PRPH2: variants seen among roughly 807,000 people sequenced by gnomAD.
The protein encoded by PRPH2 is peripherin-2.
PRPH2 carries 17 observed loss-of-function variants against 31.3 expected under a neutral mutation model. That is an observed-to-expected ratio of 0.54 (90% CI 0.37 to 0.81). The LOEUF (loss-of-function observed/expected upper bound fraction) is 0.81. Among genes scored for constraint, PRPH2 ranks in the 40% least tolerant of loss-of-function variants. The probability of loss-of-function intolerance (pLI) is 0.00; values close to 1 mark genes in which losing one functional copy is unlikely to be tolerated. For missense variants in PRPH2, 430 were observed against 439.7 expected (o/e 0.98, Z 0.20); for synonymous variants, 165 against 184.4 (o/e 0.89, Z 0.85).
At chr6:42,704,719 A>G (rs555856844) in intron 1 of PRPH2, 108 bp from the exon 2 acceptor site, 4 of 1,524,422 alleles carry the variant, frequency 2.6e-6, no homozygotes, top group East Asian at 2.3e-5. Flanking sequence ...TCACTCGCAC[A>G]CTTGGTATAT....
chr6:42,701,363 A>G (rs1800041818), intron 2 of PRPH2, among the ~76,000 whole-genome samples: 1 of 151,996 alleles, frequency 6.6e-6, no homozygotes, highest in Non-Finnish European at 1.5e-5. Flanking sequence ...ACCTCAGGTG[A>G]TCCCCCGCCT....
chr6:42,712,724 T>C (rs1314107706), intron 1 of PRPH2, among the ~76,000 whole-genome samples: 1 of 151,016 alleles, frequency 6.6e-6, no homozygotes, highest in African/African-American at 2.4e-5. Flanking sequence ...GCCTGTTTTT[T>C]CCTTTTTTTT....
intron 1 of PRPH2, among the ~76,000 whole-genome samples, chr6:42,719,302 G>A (rs894322840): frequency 1.3e-4 from 19 of 151,724 alleles, no homozygotes; most frequent in African/African-American, 4.4e-4. Context: ...TCAGCCTCCC[G>A]AGTAGCTGAG....
chr6:42,717,989 A>C lies in PRPH2; in HGVS notation c.581+3765T>G, dbSNP rs573553333. ...AAGACCAGCTTGGCCAACGTGGTGA[A>C]ACCCCGTCTCTACTAAAAATAGAAA... On this transcript the variant is annotated intron_variant, in intron 1 of 2. Coordinates refer to ENST00000230381, the MANE Select transcript of PRPH2 (RefSeq NM_000322.5). Among the ~76,000 whole-genome samples, 16 of 152,144 alleles carry C rather than the reference A, an allele frequency of 1.1e-4. No individual in the cohort carries two copies. The South Asian group carries it at 3.3e-3, about 32-fold the overall frequency.
At chr6:42,716,004 A>G (rs1387093112) in intron 1 of PRPH2, among the ~76,000 whole-genome samples, 8 of 152,182 alleles carry the variant, frequency 5.3e-5, no homozygotes, top group African/African-American at 1.9e-4. Flanking sequence ...AGTCCGGTGA[A>G]GTGCCCACTG....
intron 1 of PRPH2, among the ~76,000 whole-genome samples, chr6:42,718,726 A>G (rs991241847): frequency 3.3e-5 from 5 of 151,982 alleles, no homozygotes; most frequent in Admixed American, 2.0e-4. Flanking sequence ...TTAGCTCACT[A>G]CAACCTCTGC....
At chr6:42,715,522 T>C (rs868758642) in intron 1 of PRPH2, among the ~76,000 whole-genome samples, 27 of 151,668 alleles carry the variant, frequency 1.8e-4, no homozygotes, top group Admixed American at 1.4e-3. Flanking sequence ...AATACAAAAA[T>C]TAGCCAGGTG....
At chr6:42,719,227 G>A (rs984989878) in intron 1 of PRPH2, among the ~76,000 whole-genome samples, 1 of 150,272 alleles carries the variant, frequency 6.7e-6, no homozygotes, top group Admixed American at 6.6e-5. Flanking sequence ...GGAGTACAGT[G>A]GCAAGATCTC....
intron 1 of PRPH2, among the ~76,000 whole-genome samples, chr6:42,712,776 C>T (rs1290911784): frequency 1.3e-5 from 2 of 151,932 alleles, no homozygotes; most frequent in African/African-American, 2.4e-5. Flanking sequence ...CCTCAGCCTC[C>T]AAGTAGCTGG....
intron 1 of PRPH2, among the ~76,000 whole-genome samples, chr6:42,708,505 A>G (rs1300013462): frequency 6.6e-6 from 1 of 152,128 alleles, no homozygotes; most frequent in Non-Finnish European, 1.5e-5. Context: ...GCTCCCCTCT[A>G]CTGGCCCTCT....
chr6:42,701,423 G>A (rs549859880), intron 2 of PRPH2, among the ~76,000 whole-genome samples: 13 of 151,812 alleles, frequency 8.6e-5, no homozygotes, highest in South Asian at 2.1e-4. Context: ...GCGCCTGGCC[G>A]TCATTTTTGT....
rs868117149 is a variant in PRPH2 at position 42,705,611 on chromosome 6, T to A, written c.582-1000A>T. ...AAAAAAAAAAAAAAATATATATATATATATATATATATATATATATTTGTG... is the reference window on the plus strand; with the variant it reads ...AAAAAAAAAAAAAAATATATATATAAATATATATATATATATATATTTGTG... On this transcript the variant is annotated intron_variant, in intron 1 of 2. Transcript: ENST00000230381. Among the ~76,000 whole-genome samples, 69 of 100,240 alleles carry A rather than the reference T, an allele frequency of 6.9e-4. 1 individual carries two copies. The highest frequency in any genetic ancestry group is 2.1e-3 in the African/African-American group (54 of 25,536). 65.8% of individuals were successfully genotyped at this position (100,240 alleles called of 152,430 possible).
chr6:42,710,996 G>A (rs931163171), intron 1 of PRPH2, among the ~76,000 whole-genome samples: 1 of 152,178 alleles, frequency 6.6e-6, no homozygotes, highest in Non-Finnish European at 1.5e-5. Flanking sequence ...CATACACGTG[G>A]AGCATTTGGT....
chr6:42,713,107 C>A (rs1401513690), intron 1 of PRPH2, among the ~76,000 whole-genome samples: 1 of 151,944 alleles, frequency 6.6e-6, no homozygotes, highest in Non-Finnish European at 1.5e-5. Context: ...CACCTGTAAT[C>A]CCAGCTACTT....
At chr6:42,704,282 C>T in intron 2 of PRPH2, 83 bp downstream of exon 2, 12 of 1,539,358 alleles carry the variant, frequency 7.8e-6, no homozygotes, top group Non-Finnish European at 9.7e-6. Flanking sequence ...GGCATGCTCT[C>T]CAAGCCTGGC....
chr6:42,708,940 A>G (rs971835721), intron 1 of PRPH2, among the ~76,000 whole-genome samples: 1 of 152,184 alleles, frequency 6.6e-6, no homozygotes, highest in Non-Finnish European at 1.5e-5. Context: ...CCTTCCGCTT[A>G]GAGCCATTGG....
chr6:42,718,954 T>C (rs7768690), intron 1 of PRPH2, among the ~76,000 whole-genome samples: 89,535 of 151,898 alleles, frequency 0.59, 26,422 homozygotes, highest in African/African-American at 0.65. Context: ...CGTGCGCCAC[T>C]GATCCCAGCC....
intron 1 of PRPH2, among the ~76,000 whole-genome samples, chr6:42,713,584 C>A (rs1292052478): frequency 6.6e-6 from 1 of 152,098 alleles, no homozygotes; most frequent in South Asian, 2.1e-4. Flanking sequence ...CATCTCTGCC[C>A]ACCCCTTTCC....
At chr6:42,719,620 G>C (rs1316917883) in intron 1 of PRPH2, among the ~76,000 whole-genome samples, 1 of 146,570 alleles carries the variant, frequency 6.8e-6, no homozygotes, top group Non-Finnish European at 1.5e-5. Flanking sequence ...GCCCAGGCTG[G>C]AGTGCAATGG....
Sources: allele counts gnomAD v4.1 joint callset (sites outside exome capture counted in the v4.1 genomes callset), GRCh38; gene constraint gnomAD v4.1.1; transcripts MANE v1.5; gene names NCBI Gene and HGNC (gene_info 2026-07-23, HGNC 2026-07-21).